Variants in AHRR observed in about 807,000 individuals in gnomAD.
AHRR encodes the protein ahR repressor.
In AHRR, 28 loss-of-function variants were observed where a neutral mutation model predicts 44.0. That is an observed-to-expected ratio of 0.64 (90% CI 0.47 to 0.87). AHRR has a LOEUF of 0.87. AHRR is among the 40% of genes least tolerant of loss of function. AHRR has a pLI of 0.00. For synonymous variants in AHRR, 434 were observed against 407.0 expected, an observed-to-expected ratio of 1.07 and a Z score of -0.80; for missense variants, 990 against 953.9, an observed-to-expected ratio of 1.04 and a Z score of -0.50.
chr5:415,322 G>A (rs1735683368), intron 5 of AHRR, among the ~76,000 whole-genome samples: 1 of 146,596 alleles, frequency 6.8e-6, no homozygotes, highest in African/African-American at 2.6e-5. Flanking sequence ...AGGCCTAGGG[G>A]CCGAATCTGC....
chr5:363,256 A>G (rs1189800455), intron 3 of AHRR, among the ~76,000 whole-genome samples: 2 of 152,204 alleles, frequency 1.3e-5, no homozygotes, highest in African/African-American at 2.4e-5. Flanking sequence ...TATGGCTGGC[A>G]TGGCAGAGAG....
intron 5 of AHRR, among the ~76,000 whole-genome samples, chr5:418,272 C>T (rs1469987171): frequency 6.6e-6 from 1 of 152,176 alleles, no homozygotes; most frequent in Non-Finnish European, 1.5e-5. Context: ...ATCATGCTCT[C>T]CCCCTCCCAT....
At chr5:390,419 C>T (rs1009057568) in intron 4 of AHRR, among the ~76,000 whole-genome samples, 3 of 152,162 alleles carry the variant, frequency 2.0e-5, no homozygotes, top group Non-Finnish European at 4.4e-5. Context: ...AGCACCGCAC[C>T]GACCAAATGA....
Position 414,405 on chromosome 5 carries a change from G to A in AHRR, c.441+972G>A, listed in dbSNP as rs144617986. 3.0e-3 allele frequency among the ~76,000 whole-genome samples: 464 copies of A among 152,234 alleles called. 2 individuals are homozygous for A. The highest frequency in any genetic ancestry group is 5.3e-3 in the Non-Finnish European group (361 of 68,020). On this transcript the variant is annotated intron_variant, in intron 5 of 10. Transcript: ENST00000684583. Reference sequence around the variant, plus strand: ...AGAATTAAGATTTCTCCCATTGCACGGCGAGGACCCCCAGGATCTGGAAAT... The same window carrying A: ...AGAATTAAGATTTCTCCCATTGCACAGCGAGGACCCCCAGGATCTGGAAAT...
rs137982304 is a variant in AHRR at position 406,854 on chromosome 5, A to G, written c.352-6490A>G. 2.2e-3 allele frequency among the ~76,000 whole-genome samples: 336 copies of G among 152,366 alleles called. No homozygotes were observed. The highest frequency in any genetic ancestry group is 8.0e-3 in the African/African-American group (333 of 41,590). On this transcript the variant is annotated intron_variant, in intron 4 of 10. Coordinates refer to ENST00000684583, the MANE Select transcript of AHRR (RefSeq NM_001377236.1). The surrounding 1 kb of genome is among the most constrained non-coding windows in gnomAD (Gnocchi z 4.7). ...TTAACTTACCAACTTAATATACTAA[A>G]GGAGGAGAGTGTCAGCTTGCAGATG... is the stretch of plus-strand genomic sequence containing the variant.
At chr5:391,487 C>T (rs112789866) in intron 4 of AHRR, among the ~76,000 whole-genome samples, 1 of 52,044 alleles carries the variant, frequency 1.9e-5, no homozygotes, top group Admixed American at 2.0e-4. Flanking sequence ...CAGGGCGAGG[C>T]GGGCGCAGGG....
chr5:422,416 T>A, intron 5 of AHRR: 1 of 399,358 alleles, frequency 2.5e-6, no homozygotes, highest in Non-Finnish European at 4.7e-6. Context: ...GACAGGAAAG[T>A]GGATGTCTTG....
intron 5 of AHRR, among the ~76,000 whole-genome samples, chr5:416,155 G>A (rs999732526): frequency 1.3e-5 from 2 of 152,228 alleles, no homozygotes; most frequent in African/African-American, 4.8e-5. Context: ...GGACGCAGGG[G>A]GACATGGCTG....
At chr5:324,856 G>T (rs73023466) in intron 1 of AHRR, among the ~76,000 whole-genome samples, 2 of 152,112 alleles carry the variant, frequency 1.3e-5, no homozygotes, top group African/African-American at 2.4e-5. Flanking sequence ...CTGTGGGGAG[G>T]GGGTAGGCAG....
intron 5 of AHRR, among the ~76,000 whole-genome samples, chr5:416,559 C>A (rs1263673913): frequency 6.6e-6 from 1 of 152,240 alleles, no homozygotes; most frequent in African/African-American, 2.4e-5. Context: ...GAAGTGACGC[C>A]TGGTGGGTCC....
chr5:377,918 T>C (rs1020809482), intron 4 of AHRR, among the ~76,000 whole-genome samples: 1 of 152,210 alleles, frequency 6.6e-6, no homozygotes, highest in Non-Finnish European at 1.5e-5. Context: ...CTCCTGACAC[T>C]GTGGCCCTCC....
chr5:344,740 C>T (rs1270489158), intron 2 of AHRR, among the ~76,000 whole-genome samples: 1 of 17,858 alleles, frequency 5.6e-5, no homozygotes, highest in Non-Finnish European at 1.1e-4. Context: ...TGTGTGTGTG[C>T]GGGGGGAGCT....
intron 1 of AHRR, among the ~76,000 whole-genome samples, chr5:340,523 A>C: frequency 6.7e-6 from 1 of 150,256 alleles, no homozygotes; most frequent in African/African-American, 2.5e-5. Context: ...TTTATAGGGC[A>C]CCAGTTCTAC....
At chr5:360,231 G>A (rs1743129954) in intron 3 of AHRR, among the ~76,000 whole-genome samples, 1 of 152,216 alleles carries the variant, frequency 6.6e-6, no homozygotes, top group African/African-American at 2.4e-5. Flanking sequence ...AAGAAAGGCT[G>A]TGAGAGAACA....
In AHRR at chr5:434,553, A is replaced by G; in HGVS notation, c.1813A>G (p.Ser605Gly). Reference sequence around the variant, plus strand: ...CCATGGGAGGGCCACTGCTGGGCGCAGCAGGGAGCTGACCCCTTTCCACCC... The same window carrying G: ...CCATGGGAGGGCCACTGCTGGGCGCGGCAGGGAGCTGACCCCTTTCCACCC... ...QPHGRATAGR[S>G]RELTPFHPAH... is the part of the protein sequence containing the mutation. The change falls in exon 11 of 11, where the codon AGC (serine) becomes GGC (glycine). Residue 605 changes from serine (S) to glycine (G), a missense_variant. Ser to Gly is a moderately conservative substitution (Grantham distance 56). Coordinates refer to ENST00000684583, the MANE Select transcript of AHRR (RefSeq NM_001377236.1). The G allele has an allele frequency of 6.2e-7, 1 of 1,602,558 alleles. No individual in the cohort carries two copies. Among genetic ancestry groups the G allele is most frequent in the Non-Finnish European group, 8.5e-7 (1 of 1,175,014 alleles).
At chr5:415,695 G>A (rs1485086886) in intron 5 of AHRR, among the ~76,000 whole-genome samples, 1 of 151,514 alleles carries the variant, frequency 6.6e-6, no homozygotes, top group African/African-American at 2.4e-5. Flanking sequence ...GAGGCCTAGG[G>A]GCGGAGTCTG....
At chr5:399,256 G>A (rs949749320) in intron 4 of AHRR, among the ~76,000 whole-genome samples, 1 of 152,214 alleles carries the variant, frequency 6.6e-6, no homozygotes, top group African/African-American at 2.4e-5. Context: ...GGCAGGGGTG[G>A]CTCCCCAACC....
At chr5:384,009 A>C (rs1330685801) in intron 4 of AHRR, among the ~76,000 whole-genome samples, 3 of 151,854 alleles carry the variant, frequency 2.0e-5, no homozygotes, top group African/African-American at 7.3e-5. Context: ...CAAGTCTGAC[A>C]ATCTCTGTCT....
intron 3 of AHRR, among the ~76,000 whole-genome samples, chr5:360,305 C>T (rs1743132522): frequency 6.6e-6 from 1 of 152,218 alleles, no homozygotes; most frequent in Admixed American, 6.5e-5. Context: ...ATCAGCTGCA[C>T]CCTGATGACG....
Sources: allele counts gnomAD v4.1 joint callset (sites outside exome capture counted in the v4.1 genomes callset), GRCh38; gene constraint gnomAD v4.1.1; non-coding constraint Gnocchi (gnomAD v3.1); transcripts MANE v1.5; gene names NCBI Gene and HGNC (gene_info 2026-07-23, HGNC 2026-07-21).